IFNLR1: variants seen among roughly 807,000 people sequenced by gnomAD.
The protein encoded by IFNLR1 is CRF2-12.
Under a neutral mutation model 52.5 loss-of-function variants are expected in IFNLR1, and 28 were observed. The observed-to-expected ratio is 0.53, with a 90% confidence interval of 0.40 to 0.73. The LOEUF (loss-of-function observed/expected upper bound fraction) is 0.73, where lower values mean the gene tolerates loss of function less well. Among genes scored for constraint, IFNLR1 ranks in the 30% least tolerant of loss-of-function variants. The probability of loss-of-function intolerance (pLI) is 0.00; values close to 1 mark genes in which losing one functional copy is unlikely to be tolerated. For missense variants in IFNLR1, 623 were observed against 659.1 expected (o/e 0.95, Z 0.60); for synonymous variants, 276 against 274.9 (o/e 1.00, Z -0.04).
At position 24,156,612 on chromosome 1, in the gene IFNLR1, C is replaced by G. The variant is rs897181382; in HGVS notation, c.*518G>C. 1.3e-5 allele frequency: 2 copies of G among 154,470 alleles called. No individual in the cohort carries two copies. The highest frequency in any genetic ancestry group is 1.3e-4 in the Admixed American group (2 of 15,440). 9.6% of individuals were successfully genotyped at this position (154,470 alleles called of 1,614,324 possible). On this transcript the variant is annotated 3_prime_UTR_variant, in exon 7 of 7. Transcript: ENST00000327535. ...CCACCCTTCCCTTCCCATCCAAAAC[C>G]CTCAGCCAACTGGATTTTTATCTGG...
At chr1:24,159,327 G>T in intron 5 of IFNLR1, 145 bp from the exon 6 acceptor site, 1 of 1,244,470 alleles carries the variant, frequency 8.0e-7, no homozygotes, top group Middle Eastern at 2.0e-4. Context: ...AAGGTTTGGG[G>T]CATTATGTAA....
rs1644374184 is a variant in IFNLR1 at position 24,155,969 on chromosome 1, T to G, written c.*1161A>C. ...CATAACTGGAAGGGAGAATGGGACT[T>G]CTAAGGACCACAACGGTCAACCAAG... On this transcript the variant is annotated 3_prime_UTR_variant, in exon 7 of 7. Transcript: ENST00000327535. The G allele has an allele frequency of 6.6e-6, 1 of 152,112 alleles. No individual in the cohort carries two copies. The highest frequency in any genetic ancestry group is 1.5e-5 in the Non-Finnish European group (1 of 68,026). 9.4% of individuals were successfully genotyped at this position (152,112 alleles called of 1,614,324 possible). A position where few individuals can be genotyped will look rare whatever the true frequency, so the allele number is the denominator to read the frequency against.
intron 2 of IFNLR1, among the ~76,000 whole-genome samples, chr1:24,172,757 A>G (rs1644593993): frequency 6.6e-6 from 1 of 152,216 alleles, no homozygotes; most frequent in African/African-American, 2.4e-5. Flanking sequence ...AAGACACCAC[A>G]GGCAGGGTGG....
At chr1:24,176,247 A>T (rs897859249) in intron 2 of IFNLR1, among the ~76,000 whole-genome samples, 7 of 152,230 alleles carry the variant, frequency 4.6e-5, no homozygotes, top group Non-Finnish European at 5.9e-5. Flanking sequence ...AAGGGTACAT[A>T]CTATACACAT....
chr1:24,161,592 G>C lies in IFNLR1; in HGVS notation c.460C>G (p.Leu154Val). ...TYQLPPCMPP[L>V]DLKYEVAFWK... ...AATGCCACCTCATACTTCAGATCCA[G>C]TGGGGGCATGCAGGGGGGCAGCTGG... is the stretch of plus-strand genomic sequence containing the variant. The change falls in exon 4 of 7, where the codon CTG becomes GTG. Residue 154 changes from leucine (L) to valine (V), a missense_variant. Physicochemically the swap from Leu to Val is conservative, Grantham distance 32. Transcript: ENST00000327535. The C allele has an allele frequency of 6.4e-7, 1 of 1,555,414 alleles. No individual in the cohort carries two copies.
Position 24,157,947 on chromosome 1 carries a change from T to G in IFNLR1, c.802-56A>C. ...AATTTAGGCTTTCCTGAAGCATAAT[T>G]ATCATCATCTGAATTCCCCTAGAAA... is the stretch of plus-strand genomic sequence containing the variant. On this transcript the variant is annotated intron_variant, in intron 6 of 6. Coordinates refer to ENST00000327535, the MANE Select transcript of IFNLR1 (RefSeq NM_170743.4). The surrounding 1 kb of genome is among the most constrained non-coding windows in gnomAD (Gnocchi z 5.1). 2.1e-6 allele frequency: 3 copies of G among 1,459,148 alleles called. No individual in the cohort carries two copies. Among genetic ancestry groups the G allele is most frequent in the East Asian group, 4.6e-5 (2 of 43,752 alleles). The allele number at this position is 1,459,148 out of a possible 1,614,324, so 90.4% of individuals were successfully genotyped here. A position where few individuals can be genotyped will look rare whatever the true frequency, so the allele number is the denominator to read the frequency against.
At position 24,154,305 on chromosome 1, in the gene IFNLR1, A is replaced by G. The variant is rs886177090; in HGVS notation, c.*2825T>C. The G allele has an allele frequency of 1.3e-5, 2 of 152,246 alleles. No homozygotes were observed. Among genetic ancestry groups the G allele is most frequent in the African/African-American group, 4.8e-5 (2 of 41,468 alleles). The allele number at this position is 152,246 out of a possible 1,614,324, so 9.4% of individuals were successfully genotyped here. On this transcript the variant is annotated 3_prime_UTR_variant, in exon 7 of 7. Coordinates refer to ENST00000327535, the MANE Select transcript of IFNLR1 (RefSeq NM_170743.4). The stretch of plus-strand genomic sequence containing the variant: ...ATACATAAGAACAACATATACCGTT[A>G]GTAGTCTAAAGGGATACATGTTGCT...
At chr1:24,179,439 C>T (rs1341738196) in intron 2 of IFNLR1, among the ~76,000 whole-genome samples, 1 of 152,216 alleles carries the variant, frequency 6.6e-6, no homozygotes, top group Non-Finnish European at 1.5e-5. Context: ...GTGCCAGCCA[C>T]ACAGTAAATA....
intron 2 of IFNLR1, among the ~76,000 whole-genome samples, chr1:24,171,226 C>A (rs1644575105): frequency 1.3e-5 from 2 of 151,798 alleles, no homozygotes; most frequent in African/African-American, 4.9e-5. Flanking sequence ...ACATCTCACC[C>A]AGCAATTGAT....
At chr1:24,164,078 G>A (rs1569646416) in intron 3 of IFNLR1, among the ~76,000 whole-genome samples, 2 of 152,074 alleles carry the variant, frequency 1.3e-5, no homozygotes, top group South Asian at 4.1e-4. Flanking sequence ...AAAGTTTTCT[G>A]CTCCCAACAT....
rs1644609647 is a variant in IFNLR1 at position 24,174,187 on chromosome 1, G to A, written c.183-4586C>T. Among the ~76,000 whole-genome samples, 4 of 152,350 alleles carry A rather than the reference G, an allele frequency of 2.6e-5. No homozygotes were observed. The East Asian group carries it at 7.7e-4, about 29-fold the overall frequency. On this transcript the variant is annotated intron_variant, in intron 2 of 6. Transcript: ENST00000327535. ...GGACACAGCAAGAAGGCAGCCATCT[G>A]CTAGCCAAGGAGAGAGGCTTCAGGA... is the stretch of plus-strand genomic sequence containing the variant.
At chr1:24,182,648 G>A (rs1253968666) in intron 1 of IFNLR1, among the ~76,000 whole-genome samples, 1 of 152,032 alleles carries the variant, frequency 6.6e-6, no homozygotes, top group Non-Finnish European at 1.5e-5. Context: ...CAGGCCGGGC[G>A]TGGTGGCTCA....
At chr1:24,176,740 C>T (rs1021306405) in intron 2 of IFNLR1, among the ~76,000 whole-genome samples, 1 of 152,152 alleles carries the variant, frequency 6.6e-6, no homozygotes, top group African/African-American at 2.4e-5. Flanking sequence ...GATAGATAGA[C>T]AGATAAAAGG....
At chr1:24,179,864 C>A (rs1397372842) in intron 2 of IFNLR1, among the ~76,000 whole-genome samples, 1 of 152,212 alleles carries the variant, frequency 6.6e-6, no homozygotes, top group Non-Finnish European at 1.5e-5. Context: ...CTGCTTCTAT[C>A]ATCTCACTGT....
chr1:24,170,911 T>C (rs1644572283), intron 2 of IFNLR1, among the ~76,000 whole-genome samples: 1 of 152,154 alleles, frequency 6.6e-6, no homozygotes, highest in Admixed American at 6.5e-5. Context: ...GACACAAAGA[T>C]CAGATTTTGA....
Position 24,180,759 on chromosome 1 carries a change from C to G in IFNLR1, c.154G>C (p.Asp52His). 1 of 1,476,660 alleles carries G rather than the reference C, an allele frequency of 6.8e-7. No homozygotes were observed. Among genetic ancestry groups the G allele is most frequent in the Non-Finnish European group, 9.2e-7 (1 of 1,092,390 alleles). 91.5% of individuals were successfully genotyped at this position (1,476,660 alleles called of 1,614,324 possible). ...TWLPGLGNPQ[D>H]VTYFVAYQSS... ...TGATAGGCCACAAAATAGGTCACAT[C>G]CTGGGGGTTGCCAAGCCCTGGGAGC... The change falls in exon 2 of 7, where the codon GAT becomes CAT. Residue 52 changes from aspartate (D) to histidine (H), a missense_variant. Coordinates refer to ENST00000327535, the MANE Select transcript of IFNLR1 (RefSeq NM_170743.4).
intron 3 of IFNLR1, among the ~76,000 whole-genome samples, chr1:24,163,214 G>C (rs1012517734): frequency 1.3e-5 from 2 of 151,966 alleles, no homozygotes; most frequent in African/African-American, 4.8e-5. Flanking sequence ...GCCCCGCAAA[G>C]TGCTGAGTGG....
At chr1:24,183,454 A>G (rs1180665514) in intron 1 of IFNLR1, among the ~76,000 whole-genome samples, 2 of 152,198 alleles carry the variant, frequency 1.3e-5, no homozygotes, top group Non-Finnish European at 2.9e-5. Flanking sequence ...TTTTTAAAAA[A>G]TTAGCAGGGC....
At chr1:24,182,918 C>CAAATAAATAAATAAATAAATAAAT (rs373444078) in intron 1 of IFNLR1, among the ~76,000 whole-genome samples, 2 of 150,218 alleles carry the variant, frequency 1.3e-5, no homozygotes, top group East Asian at 2.0e-4. Context: ...GACTCCATCT[C>CAAATAAATAAATAAATAAATAAAT]AAATAAATAA....
Sources: allele counts gnomAD v4.1 joint callset (sites outside exome capture counted in the v4.1 genomes callset), GRCh38; gene constraint gnomAD v4.1.1; non-coding constraint Gnocchi (gnomAD v3.1); transcripts MANE v1.5; gene names NCBI Gene and HGNC (gene_info 2026-07-23, HGNC 2026-07-21).